The following TXLNB variants were observed in gnomAD, a reference collection of about 807,000 sequenced individuals.
TXLNB encodes the protein taxilin beta, also known as beta-taxilin.
A neutral mutation model predicts 57.4 loss-of-function variants in TXLNB; 37 were observed. The observed-to-expected ratio is 0.64, with a 90% confidence interval of 0.50 to 0.85. The LOEUF (loss-of-function observed/expected upper bound fraction) is 0.85. Ranked by LOEUF, TXLNB falls within the 40% of genes least tolerant of loss-of-function variation. The pLI is 0.00. For missense variants in TXLNB, 848 were observed against 825.6 expected (o/e 1.03, Z -0.33); for synonymous variants, 302 against 309.6 (o/e 0.98, Z 0.26).
At chr6:139,223,985 A>G in the TXLNB span, among the ~76,000 whole-genome samples, 2,157 of 147,802 alleles carry the variant, frequency 0.015, 46 homozygotes, top group African/African-American at 0.05. Flanking sequence ...TGCTATAAAG[A>G]CACATGCACA....
chr6:139,166,974 A>G, the TXLNB span: 3 of 1,614,174 alleles, frequency 1.9e-6, no homozygotes, highest in African/African-American at 2.7e-5. Flanking sequence ...AGAAATGCCC[A>G]CTTTGATTAC....
intron 3 of TXLNB, among the ~76,000 whole-genome samples, chr6:139,273,173 G>C (rs1045268297): frequency 6.6e-6 from 1 of 152,260 alleles, no homozygotes; most frequent in Non-Finnish European, 1.5e-5. Flanking sequence ...TACTGGGCCA[G>C]ATAATTTTTT....
chr6:139,263,743 C>T (rs1046632281), intron 4 of TXLNB, among the ~76,000 whole-genome samples: 5 of 152,106 alleles, frequency 3.3e-5, no homozygotes, highest in African/African-American at 7.2e-5. Context: ...GAGACATTTA[C>T]GTGGCTGACA....
chr6:139,215,001 T>C, the TXLNB span, among the ~76,000 whole-genome samples: 94 of 152,250 alleles, frequency 6.2e-4, no homozygotes, highest in African/African-American at 2.1e-3. Flanking sequence ...TGGAAGAACA[T>C]TCCATGCTCA....
intron 7 of TXLNB, among the ~76,000 whole-genome samples, chr6:139,248,687 G>T (rs979097239): frequency 2.6e-5 from 4 of 152,164 alleles, no homozygotes; most frequent in African/African-American, 9.7e-5. Context: ...ATGGGACAAT[G>T]GCTACATAGT....
chr6:139,208,341 T>G, the TXLNB span, among the ~76,000 whole-genome samples: 232 of 152,286 alleles, frequency 1.5e-3, no homozygotes, highest in African/African-American at 5.4e-3. Flanking sequence ...ACCAGATGGA[T>G]TCACTGCTGA....
chr6:139,204,587 T>TG, the TXLNB span, among the ~76,000 whole-genome samples: 5 of 152,086 alleles, frequency 3.3e-5, no homozygotes, highest in Non-Finnish European at 7.4e-5. Context: ...GATCAGAATC[T>TG]GGGGGGCAAG....
chr6:139,186,797 C>A, the TXLNB span, among the ~76,000 whole-genome samples: 1 of 152,192 alleles, frequency 6.6e-6, no homozygotes, highest in Non-Finnish European at 1.5e-5. Flanking sequence ...GGAACAGATT[C>A]TTCATACATG....
At chr6:139,235,824 C>T (rs1775830364), downstream of TXLNB, among the ~76,000 whole-genome samples, 1 of 152,108 alleles carries the variant, frequency 6.6e-6, no homozygotes. Flanking sequence ...CTTTGACACC[C>T]TAGAAGACAC....
chr6:139,303,383 A>G, the TXLNB span, among the ~76,000 whole-genome samples: 1 of 152,202 alleles, frequency 6.6e-6, no homozygotes, highest in Non-Finnish European at 1.5e-5. Flanking sequence ...ACTTGGGTTC[A>G]TGAAATGCAA....
chr6:139,223,810 G>A, the TXLNB span, among the ~76,000 whole-genome samples: 1 of 152,092 alleles, frequency 6.6e-6, no homozygotes, highest in East Asian at 1.9e-4. Flanking sequence ...GTGCTGGAGA[G>A]GATGTGGAGA....
intron 3 of TXLNB, chr6:139,272,008 A>AT (rs1476148949): frequency 6.6e-6 from 1 of 152,296 alleles, no homozygotes; most frequent in Non-Finnish European, 1.5e-5. Flanking sequence ...CAGTTTCCCC[A>AT]TTTTAAAAAA....
rs569736675 is a variant in TXLNB at position 139,255,357 on chromosome 6, G to A, written c.1077+207C>T. On this transcript the variant is annotated intron_variant, in intron 7 of 9. Transcript: ENST00000358430. ...AAACCTTTGACTGGATGTTGCCGGC[G>A]CAGAACATTTCTTTTTCATAGATAT... 8.4e-4 allele frequency: 512 copies of A among 612,406 alleles called. 4 individuals are homozygous for A. The highest frequency in any genetic ancestry group is 6.3e-3 in the South Asian group (408 of 65,144). The allele number at this position is 612,406 out of a possible 1,614,324, so 37.9% of individuals were successfully genotyped here. A position where few individuals can be genotyped will look rare whatever the true frequency, so the allele number is the denominator to read the frequency against.
chr6:139,244,531 T>C, intron 9 of TXLNB, 64 bp downstream of exon 9: 1 of 1,098,504 alleles, frequency 9.1e-7, no homozygotes. Context: ...GTTATAATTG[T>C]ATCGTAAGTT....
the TXLNB span, among the ~76,000 whole-genome samples, chr6:139,316,199 T>G: frequency 1.3e-5 from 2 of 152,352 alleles, no homozygotes; most frequent in East Asian, 3.9e-4. Flanking sequence ...TTGGCTAAGC[T>G]TTAGTCAGGG....
chr6:139,233,386 A>C, the TXLNB span, among the ~76,000 whole-genome samples: 1 of 2,260 alleles, frequency 4.4e-4, no homozygotes, highest in African/African-American at 1.4e-3. Context: ...TATATATATA[A>C]ATAAATATAT....
At chr6:139,219,269 T>A in the TXLNB span, among the ~76,000 whole-genome samples, 17 of 152,306 alleles carry the variant, frequency 1.1e-4, no homozygotes, top group East Asian at 3.3e-3. Flanking sequence ...ACTTAATCAC[T>A]GTACAAAGGT....
At chr6:139,214,451 A>G in the TXLNB span, among the ~76,000 whole-genome samples, 1 of 152,244 alleles carries the variant, frequency 6.6e-6, no homozygotes, top group South Asian at 2.1e-4. Context: ...AAAACTCTCA[A>G]TAAATTAGGT....
chr6:139,227,506 C>T, the TXLNB span, among the ~76,000 whole-genome samples: 1 of 152,178 alleles, frequency 6.6e-6, no homozygotes, highest in Non-Finnish European at 1.5e-5. Context: ...ATTTGGAAAA[C>T]TGATTAGTAG....
Sources: allele counts gnomAD v4.1 joint callset (sites outside exome capture counted in the v4.1 genomes callset), GRCh38; gene constraint gnomAD v4.1.1; transcripts MANE v1.5; gene names NCBI Gene and HGNC (gene_info 2026-07-23, HGNC 2026-07-21).